PLD1: variants seen among roughly 807,000 people sequenced by gnomAD.
PLD1 encodes phospholipase D1.
In PLD1, 112 loss-of-function variants were observed where a neutral mutation model predicts 137.1. The observed-to-expected ratio is 0.82, with a 90% CI of 0.70 to 0.96. The LOEUF (loss-of-function observed/expected upper bound fraction) is 0.96, where lower values mean the gene tolerates loss of function less well. PLD1 is among the 40% of genes least tolerant of loss of function. The pLI is 0.00. For missense variants in PLD1, 1,321 were observed against 1,342.0 expected, an observed-to-expected ratio of 0.98 and a Z score of 0.24; for synonymous variants, 431 against 454.7, an observed-to-expected ratio of 0.95 and a Z score of 0.66.
intron 23 of PLD1, among the ~76,000 whole-genome samples, chr3:171,623,214 T>C (rs1329579146): frequency 6.6e-6 from 1 of 151,854 alleles, no homozygotes; most frequent in East Asian, 1.9e-4. Flanking sequence ...CAAGTTCTCA[T>C]GGAGTTAGAT....
At chr3:171,673,612 T>G (rs1713022121) in intron 19 of PLD1, among the ~76,000 whole-genome samples, 1 of 152,148 alleles carries the variant, frequency 6.6e-6, no homozygotes, top group Admixed American at 6.5e-5. Flanking sequence ...CAGTCTGAAA[T>G]GTCTTATTTC....
intron 8 of PLD1, among the ~76,000 whole-genome samples, chr3:171,716,547 A>C (rs534893900): frequency 6.6e-6 from 1 of 152,328 alleles, no homozygotes; most frequent in East Asian, 1.9e-4. Flanking sequence ...TTCTTTTGAA[A>C]AGTGTCTGTT....
At position 171,738,016 on chromosome 3, in the gene PLD1, A is replaced by G; in HGVS notation, c.36T>C (p.Ser12=). 6.2e-7 allele frequency: 1 copy of G among 1,613,956 alleles called. No individual in the cohort carries two copies. The change falls in exon 2 of 27, where the codon TCT becomes TCC. Residue 12 remains serine, a synonymous_variant. Transcript: ENST00000351298. The part of the protein sequence containing the change: ...SLKNEPRVNT[S]ALQKIAADMS... ...TGTCAGCAGCAATTTTCTGCAGTGC[A>G]GAGGTATTTACCCGTGGCTCGTTTT...
intron 1 of PLD1, among the ~76,000 whole-genome samples, chr3:171,778,892 A>T (rs539488597): frequency 6.6e-4 from 101 of 152,346 alleles, no homozygotes; most frequent in African/African-American, 2.2e-3. Flanking sequence ...CAAGTTGGGT[A>T]GGTAAAGAAA....
rs766069301 is a variant in PLD1 at position 171,644,609 on chromosome 3, C to A, written c.2543+301G>T. The stretch of plus-strand genomic sequence containing the variant: ...ACATGTAAAGCTCAATAGCTATTTA[C>A]CCACTTAAAGATAAGTTTTAATCAA... On this transcript the variant is annotated intron_variant, in intron 22 of 26. Transcript: ENST00000351298. Among the ~76,000 whole-genome samples the A allele has an allele frequency of 3.9e-5, 6 of 152,220 alleles. 1 individual carries two copies. The South Asian group carries it at 1.2e-3, about 32-fold the overall frequency.
chr3:171,687,168 G>A (rs564691426), intron 15 of PLD1, among the ~76,000 whole-genome samples: 48 of 152,292 alleles, frequency 3.2e-4, no homozygotes, highest in African/African-American at 1.1e-3. Context: ...ACTTTTGTGT[G>A]GATAAAACAA....
At chr3:171,808,660 T>C (rs558661921) in intron 1 of PLD1, among the ~76,000 whole-genome samples, 18 of 152,176 alleles carry the variant, frequency 1.2e-4, no homozygotes, top group African/African-American at 4.3e-4. Context: ...TAAGTAAACA[T>C]ACAACTTCCA....
At chr3:171,607,779 T>C (rs1361786610) in intron 25 of PLD1, among the ~76,000 whole-genome samples, 2 of 152,180 alleles carry the variant, frequency 1.3e-5, no homozygotes, top group Non-Finnish European at 2.9e-5. Flanking sequence ...TCTTGAGTGA[T>C]GGTTATATCT....
chr3:171,656,900 T>C (rs1311448247), intron 21 of PLD1, among the ~76,000 whole-genome samples: 1 of 152,174 alleles, frequency 6.6e-6, no homozygotes, highest in Non-Finnish European at 1.5e-5. Context: ...CCCCACTCCC[T>C]AGGGTCAGCC....
At chr3:171,777,705 C>T (rs1311182555) in intron 1 of PLD1, among the ~76,000 whole-genome samples, 3 of 152,112 alleles carry the variant, frequency 2.0e-5, no homozygotes, top group East Asian at 1.9e-4. Context: ...TCCCCCTCCT[C>T]GACAGTAAAG....
intron 1 of PLD1, among the ~76,000 whole-genome samples, chr3:171,745,123 C>T (rs1720051842): frequency 6.6e-6 from 1 of 152,208 alleles, no homozygotes; most frequent in Non-Finnish European, 1.5e-5. Context: ...TCCCTCTTTG[C>T]AGTGGTGTCA....
intron 1 of PLD1, among the ~76,000 whole-genome samples, chr3:171,754,545 T>A (rs1288982621): frequency 6.6e-6 from 1 of 152,170 alleles, no homozygotes; most frequent in Non-Finnish European, 1.5e-5. Flanking sequence ...ATGTATACAA[T>A]TCTCCATAAA....
intron 20 of PLD1, among the ~76,000 whole-genome samples, chr3:171,659,910 TC>T (rs913155915): frequency 3.9e-5 from 6 of 152,218 alleles, no homozygotes; most frequent in African/African-American, 9.6e-5. Context: ...AATGTTTTTT[TC>T]CTCTAAGTAC....
At chr3:171,689,910 A>T (rs1714978192) in intron 13 of PLD1, among the ~76,000 whole-genome samples, 1 of 152,240 alleles carries the variant, frequency 6.6e-6, no homozygotes, top group African/African-American at 2.4e-5. Flanking sequence ...GTATCAGGGT[A>T]ATGAGTTAGA....
chr3:171,749,723 A>G (rs1372839434), intron 1 of PLD1, among the ~76,000 whole-genome samples: 1 of 152,216 alleles, frequency 6.6e-6, no homozygotes, highest in Admixed American at 6.5e-5. Flanking sequence ...GAAACAAAGA[A>G]CAAACTTCAC....
intron 22 of PLD1, 61 bp from the exon 23 acceptor site, chr3:171,642,950 T>C (rs1735892422): frequency 1.1e-6 from 1 of 891,144 alleles, no homozygotes; most frequent in Admixed American, 1.9e-5. Flanking sequence ...TCCCATGCAG[T>C]ATCTGTAGGT....
intron 11 of PLD1, among the ~76,000 whole-genome samples, chr3:171,704,928 C>A (rs1716554113): frequency 6.6e-6 from 1 of 152,180 alleles, no homozygotes; most frequent in African/African-American, 2.4e-5. Context: ...GAGCGGGCAG[C>A]CTAGATTCCT....
chr3:171,630,258 A>T lies in PLD1; in HGVS notation c.2594-9738T>A, dbSNP rs544704217. Among the ~76,000 whole-genome samples, 4 of 151,650 alleles carry T rather than the reference A, an allele frequency of 2.6e-5. No individual in the cohort carries two copies. The South Asian group carries it at 8.3e-4, about 31-fold the overall frequency. ...CATTTATGCAGCCAAAAAACACATG[A>T]AAAAATGCTCACCATCACTGGCTAT... On this transcript the variant is annotated intron_variant, in intron 23 of 26. Coordinates refer to ENST00000351298, the MANE Select transcript of PLD1 (RefSeq NM_002662.5).
chr3:171,682,140 GAAAGAAAGAAAGAAAGAAAGAAAGAA>G (rs750174264), intron 16 of PLD1, among the ~76,000 whole-genome samples: 6,286 of 100,144 alleles, frequency 0.063, 258 homozygotes, highest in African/African-American at 0.12. Context: ...AAGAAAGAAA[GAAAGAAAGAAAGAAAGAAAGAAAGAA>G]AAAGAAAGAA....
Sources: allele counts gnomAD v4.1 joint callset (sites outside exome capture counted in the v4.1 genomes callset), GRCh38; gene constraint gnomAD v4.1.1; transcripts MANE v1.5; gene names NCBI Gene and HGNC (gene_info 2026-07-23, HGNC 2026-07-21).